FSTL5: variants seen among roughly 807,000 people sequenced by gnomAD.
FSTL5 encodes follistatin-related protein 5.
Under a neutral mutation model 89.1 loss-of-function variants are expected in FSTL5, and 62 were observed. The observed-to-expected ratio is 0.70, with a 90% CI of 0.57 to 0.86. The LOEUF (loss-of-function observed/expected upper bound fraction) is 0.86, where lower values mean the gene tolerates loss of function less well. Among genes scored for constraint, FSTL5 ranks in the 40% least tolerant of loss-of-function variants. FSTL5 has a pLI of 0.00. For synonymous variants in FSTL5, 383 were observed against 346.2 expected, an observed-to-expected ratio of 1.11 and a Z score of -1.18; for missense variants, 1,057 against 1,001.6, an observed-to-expected ratio of 1.06 and a Z score of -0.75.
chr4:161,681,983 A>G (rs1737540957), intron 6 of FSTL5, among the ~76,000 whole-genome samples: 1 of 152,190 alleles, frequency 6.6e-6, no homozygotes, highest in Non-Finnish European at 1.5e-5. Flanking sequence ...CCTGCAGTAG[A>G]TGGTATAGTC....
At chr4:161,609,794 G>A (rs563653784) in intron 7 of FSTL5, among the ~76,000 whole-genome samples, 1 of 152,170 alleles carries the variant, frequency 6.6e-6, no homozygotes, top group East Asian at 1.9e-4. Flanking sequence ...AGCAGCTCAG[G>A]TGAATGCTGC....
intron 2 of FSTL5, among the ~76,000 whole-genome samples, chr4:162,080,361 T>G (rs1730045856): frequency 7.2e-6 from 1 of 138,792 alleles, no homozygotes; most frequent in South Asian, 2.3e-4. Context: ...GGGCATAAGC[T>G]GATTGCTAGA....
intron 7 of FSTL5, among the ~76,000 whole-genome samples, chr4:161,610,484 C>T (rs1018880271): frequency 3.3e-5 from 5 of 152,158 alleles, no homozygotes; most frequent in Non-Finnish European, 7.3e-5. Flanking sequence ...AAAGTTATAG[C>T]TTAACTTCGC....
At chr4:161,972,925 G>T (rs991498996) in intron 3 of FSTL5, among the ~76,000 whole-genome samples, 1 of 152,170 alleles carries the variant, frequency 6.6e-6, no homozygotes, top group Non-Finnish European at 1.5e-5. Flanking sequence ...TATAAAAAAT[G>T]CAAATAATCA....
At chr4:161,917,358 T>C (rs1385650096) in intron 4 of FSTL5, among the ~76,000 whole-genome samples, 1 of 152,242 alleles carries the variant, frequency 6.6e-6, no homozygotes, top group Non-Finnish European at 1.5e-5. Context: ...TCTTGCTTTC[T>C]TTAAAAGCTT....
intron 1 of FSTL5, among the ~76,000 whole-genome samples, chr4:162,118,346 C>T (rs931757740): frequency 6.6e-6 from 1 of 152,132 alleles, no homozygotes; most frequent in Non-Finnish European, 1.5e-5. Context: ...CTGCAAGCTC[C>T]GCCTTGCGGG....
chr4:161,714,526 G>GC (rs1469652516), intron 6 of FSTL5, among the ~76,000 whole-genome samples: 1 of 152,070 alleles, frequency 6.6e-6, no homozygotes, highest in African/African-American at 2.4e-5. Flanking sequence ...TAATCCATTA[G>GC]CCTCTATCTT....
At chr4:161,403,549 A>T (rs1731256892) in intron 15 of FSTL5, among the ~76,000 whole-genome samples, 1 of 152,160 alleles carries the variant, frequency 6.6e-6, no homozygotes, top group African/African-American at 2.4e-5. Flanking sequence ...AATATAATTT[A>T]TTCTACCTTT....
intron 6 of FSTL5, among the ~76,000 whole-genome samples, chr4:161,713,664 C>A (rs1012918612): frequency 6.6e-6 from 1 of 151,878 alleles, no homozygotes; most frequent in Non-Finnish European, 1.5e-5. Flanking sequence ...ACACACACAC[C>A]CCTACAGGTA....
chr4:161,684,396 G>A (rs1269389588), intron 6 of FSTL5, among the ~76,000 whole-genome samples: 1 of 152,148 alleles, frequency 6.6e-6, no homozygotes, highest in African/African-American at 2.4e-5. Context: ...CCCACCGGCA[G>A]TTGAGAAGTA....
chr4:162,020,506 C>A (rs889944535), intron 3 of FSTL5, among the ~76,000 whole-genome samples: 7 of 151,910 alleles, frequency 4.6e-5, no homozygotes, highest in African/African-American at 1.7e-4. Flanking sequence ...TGTAGATAAC[C>A]ATAGTTAACA....
intron 3 of FSTL5, among the ~76,000 whole-genome samples, chr4:161,989,015 A>C (rs950502831): frequency 3.3e-5 from 5 of 152,144 alleles, no homozygotes; most frequent in Non-Finnish European, 2.9e-5. Context: ...CATTTTGTGG[A>C]ATGTGACAGT....
At chr4:161,815,395 G>A (rs189435700) in intron 4 of FSTL5, among the ~76,000 whole-genome samples, 1 of 152,130 alleles carries the variant, frequency 6.6e-6, no homozygotes, top group Admixed American at 6.5e-5. Context: ...TGGAGAGAGA[G>A]AGAGACAATA....
rs549425857 is a variant in FSTL5, at chr4:161,801,421, G to T, written c.410-25347C>A. On this transcript the variant is annotated intron_variant, in intron 4 of 15. Coordinates refer to ENST00000306100, the MANE Select transcript of FSTL5 (RefSeq NM_020116.5). ...GTTCTCAGCTTTATGCCTTCATGTG[G>T]TCTGGGATTTTCTTTAAAGAAAAAC... Among the ~76,000 whole-genome samples the T allele has an allele frequency of 1.5e-4, 22 of 151,524 alleles. 1 individual carries two copies. In the South Asian group the frequency reaches 4.6e-3, roughly 31 times the overall value.
intron 4 of FSTL5, among the ~76,000 whole-genome samples, chr4:161,879,628 C>T (rs564876003): frequency 1.3e-5 from 2 of 152,284 alleles, no homozygotes; most frequent in Admixed American, 1.3e-4. Context: ...CAAATACATC[C>T]AATATGCCAC....
chr4:161,824,861 T>C (rs1319113456), intron 4 of FSTL5, among the ~76,000 whole-genome samples: 1 of 152,134 alleles, frequency 6.6e-6, no homozygotes, highest in Non-Finnish European at 1.5e-5. Flanking sequence ...GTTTTCTAGG[T>C]ATACTATTTG....
chr4:162,162,692 C>A (rs948075570), intron 1 of FSTL5, among the ~76,000 whole-genome samples: 1 of 152,088 alleles, frequency 6.6e-6, no homozygotes, highest in Admixed American at 6.6e-5. Flanking sequence ...GAACACACTG[C>A]CAATTGATAA....
At chr4:161,692,341 CGTGTGT>C (rs70937677) in intron 6 of FSTL5, among the ~76,000 whole-genome samples, 3 of 148,750 alleles carry the variant, frequency 2.0e-5, no homozygotes, top group Admixed American at 6.7e-5. Context: ...ATATGGAGAT[CGTGTGT>C]GTGTGTGTGT....
At chr4:161,572,318 TAAAAAA>T (rs755306574) in intron 8 of FSTL5, among the ~76,000 whole-genome samples, 2 of 64,060 alleles carry the variant, frequency 3.1e-5, no homozygotes, top group Non-Finnish European at 5.5e-5. Flanking sequence ...AGACTCCGTC[TAAAAAA>T]AAAAAAAAAA....
Sources: allele counts gnomAD v4.1 joint callset (sites outside exome capture counted in the v4.1 genomes callset), GRCh38; gene constraint gnomAD v4.1.1; transcripts MANE v1.5; gene names NCBI Gene and HGNC (gene_info 2026-07-23, HGNC 2026-07-21).